Variants in ARRB1 observed in about 807,000 individuals in gnomAD.
ARRB1 encodes beta-arrestin-1.
In ARRB1, 21 loss-of-function variants were observed where a neutral mutation model predicts 56.8. The ratio of observed to expected loss-of-function variants is 0.37; its 90% CI spans 0.26 to 0.53. ARRB1 has a LOEUF of 0.53. Among genes scored for constraint, ARRB1 ranks in the 20% least tolerant of loss-of-function variants. The probability of loss-of-function intolerance (pLI) is 0.88; values close to 1 mark genes in which losing one functional copy is unlikely to be tolerated. For synonymous variants in ARRB1, 210 were observed against 218.6 expected, an observed-to-expected ratio of 0.96 and a Z score of 0.35; for missense variants, 424 against 553.7, an observed-to-expected ratio of 0.77 and a Z score of 2.35.
intron 1 of ARRB1, among the ~76,000 whole-genome samples, chr11:75,291,876 T>C (rs1019462386): frequency 1.3e-5 from 2 of 152,058 alleles, no homozygotes; most frequent in African/African-American, 4.8e-5. Flanking sequence ...GAGCACAGGG[T>C]CCAGTAGGCA....
In ARRB1 at chr11:75,342,951, T is replaced by C. The variant is rs189080782; in HGVS notation, c.20+8637A>G. Among the ~76,000 whole-genome samples, 870 of 152,314 alleles carry C rather than the reference T, an allele frequency of 5.7e-3. 9 individuals carry two copies. The highest frequency in any genetic ancestry group is 9.8e-3 in the Admixed American group (150 of 15,302). On this transcript the variant is annotated intron_variant, in intron 1 of 15. Coordinates refer to ENST00000420843, the MANE Select transcript of ARRB1 (RefSeq NM_004041.5). The stretch of plus-strand genomic sequence containing the variant: ...AAGAATAATCTAATTCCTATGGCTC[T>C]GGGCTACTTTGAGATATTTTGAAAT...
At chr11:75,347,171 A>G (rs1947782239) in intron 1 of ARRB1, among the ~76,000 whole-genome samples, 1 of 152,252 alleles carries the variant, frequency 6.6e-6, no homozygotes, top group South Asian at 2.1e-4. Flanking sequence ...CCAAACTTGG[A>G]AGGAAGAGAG....
intron 1 of ARRB1, among the ~76,000 whole-genome samples, chr11:75,338,010 G>A (rs2851459): frequency 0.22 from 33,201 of 151,800 alleles, 3,979 homozygotes; most frequent in Non-Finnish European, 0.29. Flanking sequence ...TAAAGAGATC[G>A]GCTTGAGCAA....
At chr11:75,328,813 A>G (rs764185376) in intron 1 of ARRB1, among the ~76,000 whole-genome samples, 17 of 152,238 alleles carry the variant, frequency 1.1e-4, no homozygotes, top group Non-Finnish European at 2.4e-4. Context: ...TATAGACAGG[A>G]GTGCCCTGCT....
intron 1 of ARRB1, among the ~76,000 whole-genome samples, chr11:75,294,483 G>A (rs1946680284): frequency 6.6e-6 from 1 of 151,936 alleles, no homozygotes; most frequent in Non-Finnish European, 1.5e-5. Flanking sequence ...CTTCAACCAG[G>A]GAGGCGGAAG....
intron 6 of ARRB1, 77 bp from the exon 7 acceptor site, chr11:75,281,219 T>TG: frequency 7.1e-7 from 1 of 1,401,612 alleles, no homozygotes; most frequent in Non-Finnish European, 9.8e-7. Flanking sequence ...ACCTCTCATT[T>TG]TACAAACGAG....
At chr11:75,277,500 G>C in intron 8 of ARRB1, 52 bp from the exon 9 acceptor site, 1 of 1,528,998 alleles carries the variant, frequency 6.5e-7, no homozygotes, top group Non-Finnish European at 9.1e-7. Context: ...CAAGGTTCTA[G>C]GGAAAGGGGA....
chr11:75,314,413 G>A (rs1947226634), intron 1 of ARRB1, among the ~76,000 whole-genome samples: 1 of 152,244 alleles, frequency 6.6e-6, no homozygotes, highest in African/African-American at 2.4e-5. Flanking sequence ...GGACACTGGA[G>A]CAGAGGGGGT....
intron 1 of ARRB1, among the ~76,000 whole-genome samples, chr11:75,298,979 G>C (rs931394219): frequency 2.6e-5 from 4 of 151,540 alleles, no homozygotes; most frequent in African/African-American, 7.3e-5. Flanking sequence ...ACAGAAGGCT[G>C]CATATTATAT....
chr11:75,273,966 T>G, intron 11 of ARRB1, 108 bp downstream of exon 11: 2 of 1,525,166 alleles, frequency 1.3e-6, no homozygotes, highest in Non-Finnish European at 1.8e-6. Flanking sequence ...GACAAGGCTA[T>G]GGAGAGGGTA....
intron 1 of ARRB1, among the ~76,000 whole-genome samples, chr11:75,317,298 C>T (rs1947280682): frequency 6.6e-6 from 1 of 152,222 alleles, no homozygotes. Context: ...CTCACCCACC[C>T]TTAGCCCCTA....
intron 1 of ARRB1, among the ~76,000 whole-genome samples, chr11:75,299,082 G>T (rs1314892899): frequency 1.3e-5 from 2 of 151,430 alleles, no homozygotes; most frequent in African/African-American, 2.4e-5. Flanking sequence ...GTGGGAAATG[G>T]GGAGTGACTG....
chr11:75,292,321 G>A (rs1218411263), intron 1 of ARRB1, among the ~76,000 whole-genome samples: 2 of 152,000 alleles, frequency 1.3e-5, no homozygotes, highest in African/African-American at 4.8e-5. Context: ...TGTATTTTTA[G>A]TAGAGATGGG....
intron 1 of ARRB1, among the ~76,000 whole-genome samples, chr11:75,328,290 T>C (rs1947472072): frequency 6.6e-6 from 1 of 152,250 alleles, no homozygotes; most frequent in South Asian, 2.1e-4. Flanking sequence ...TTCCTTCTCA[T>C]GGGTGAATAA....
chr11:75,270,149 A>C (rs999441741), intron 13 of ARRB1, among the ~76,000 whole-genome samples: 8 of 152,248 alleles, frequency 5.3e-5, no homozygotes, highest in African/African-American at 1.9e-4. Flanking sequence ...GAACCACGGG[A>C]ACTTCTGGGA....
chr11:75,285,770 C>T (rs1257081280), intron 3 of ARRB1, among the ~76,000 whole-genome samples: 3 of 152,086 alleles, frequency 2.0e-5, no homozygotes, highest in Non-Finnish European at 2.9e-5. Flanking sequence ...AGGGTGCCTG[C>T]GTGTGTTGGG....
chr11:75,309,474 G>A (rs551138620), intron 1 of ARRB1, among the ~76,000 whole-genome samples: 56 of 152,358 alleles, frequency 3.7e-4, no homozygotes, highest in South Asian at 2.5e-3. Flanking sequence ...CAACGCAGCC[G>A]TCTTGAGTGA....
At chr11:75,284,181 CG>C (rs1946420440) in intron 4 of ARRB1, 53 bp downstream of exon 4, 9 of 1,547,714 alleles carry the variant, frequency 5.8e-6, no homozygotes, top group African/African-American at 2.7e-5. Flanking sequence ...GCTAGAGGTC[CG>C]GGGGGAAGAG....
chr11:75,301,600 G>A (rs528299225), intron 1 of ARRB1, among the ~76,000 whole-genome samples: 1 of 152,294 alleles, frequency 6.6e-6, no homozygotes, highest in African/African-American at 2.4e-5. Context: ...TGGCTCAGCT[G>A]GGTAGGGTGG....
Sources: gnomAD v4.1 joint callset for allele counts (sites outside exome capture counted in the v4.1 genomes callset) on GRCh38, gnomAD v4.1.1 for gene constraint, MANE v1.5 for transcripts, NCBI Gene and HGNC (gene_info 2026-07-23, HGNC 2026-07-21) for gene names.